The following RASIP1 variants were observed in gnomAD, a reference collection of about 807,000 sequenced individuals.
RASIP1 encodes ras-interacting protein 1.
RASIP1 carries 20 observed loss-of-function variants against 85.3 expected under a neutral mutation model. That is an observed-to-expected ratio of 0.23 (90% CI 0.17 to 0.34). The LOEUF is 0.34. Ranked by LOEUF, RASIP1 falls within the 10% of genes least tolerant of loss-of-function variation. The pLI, the probability that RASIP1 is intolerant of heterozygous loss-of-function variation, is 1.00. For synonymous variants in RASIP1, 617 were observed against 647.1 expected (o/e 0.95, Z 0.71); for missense variants, 1,170 against 1,390.9 (o/e 0.84, Z 2.53).
chr19:48,737,390 A>T, intron 3 of RASIP1: 1 of 892,506 alleles, frequency 1.1e-6, no homozygotes, highest in Non-Finnish European at 1.3e-6. Context: ...CGTGCTTTCA[A>T]TGCGCCAGGC....
Position 48,729,325 on chromosome 19 carries a change from T to C in RASIP1, c.1445A>G (p.His482Arg). The C allele has an allele frequency of 6.4e-7, 1 of 1,559,692 alleles. No individual in the cohort carries two copies. Among genetic ancestry groups the C allele is most frequent in the South Asian group, 1.2e-5 (1 of 84,710 alleles). Residue 482 changes from histidine (H) to arginine (R), a missense_variant, in exon 5 of 12, where the codon CAC becomes CGC. Around this residue, in one of 4 missense-constraint regions of RASIP1, gnomAD observed 426 missense variants for 576.2 expected, o/e 0.74. Coordinates refer to ENST00000222145, the MANE Select transcript of RASIP1 (RefSeq NM_017805.3). ...HPGDLLGLGE[H>R]FLFMYKDPRT... The stretch of plus-strand genomic sequence containing the variant: ...GGGGTCCTTGTACATGAACAGGAAG[T>C]GCTCGCCCAGCCCCAGGAGGTCGCC...
At position 48,724,525 on chromosome 19, in the gene RASIP1, G is replaced by C. The variant is rs2033307713; in HGVS notation, c.2372-16C>G. 6.2e-7 allele frequency: 1 copy of C among 1,609,150 alleles called. No individual in the cohort carries two copies. Among genetic ancestry groups the C allele is most frequent in the Admixed American group, 1.7e-5 (1 of 59,814 alleles). ...CGGCCTTGACCTGTGGGTGTTAAAG[G>C]TATGAGAGGCAGTTGGTTGGCTGGA... is the stretch of plus-strand genomic sequence containing the variant. On this transcript the variant is annotated splice_polypyrimidine_tract_variant and intron_variant, in intron 9 of 11. Coordinates refer to ENST00000222145, the MANE Select transcript of RASIP1 (RefSeq NM_017805.3). This position sits in a 1 kb window ranked among gnomAD's most constrained non-coding sequence, Gnocchi z 4.6.
Position 48,724,282 on chromosome 19 carries a change from G to T in RASIP1, c.2544+55C>A, listed in dbSNP as rs1002081677. 5 of 1,558,608 alleles carry T rather than the reference G, an allele frequency of 3.2e-6. No individual in the cohort carries two copies. In the East Asian group the frequency reaches 1.1e-4, roughly 35 times the overall value. On this transcript the variant is annotated intron_variant, in intron 10 of 11. Transcript: ENST00000222145. The surrounding 1 kb of genome is among the most constrained non-coding windows in gnomAD (Gnocchi z 4.6). ...GGTGAGCTGAATATAGAAGGTGGCTGAGGGGGGTTGAGGAGTCAGAGGTCA... is the reference window on the plus strand; with the variant it reads ...GGTGAGCTGAATATAGAAGGTGGCTTAGGGGGGTTGAGGAGTCAGAGGTCA...
At chr19:48,737,424 A>C (rs1599749101) in intron 3 of RASIP1, 5 of 983,152 alleles carry the variant, frequency 5.1e-6, no homozygotes, top group Non-Finnish European at 6.0e-6. Context: ...GGCGCGGTCC[A>C]CCACCAGCTG....
At chr19:48,723,910 C>T (rs1051396319) in intron 10 of RASIP1, among the ~76,000 whole-genome samples, 5 of 151,356 alleles carry the variant, frequency 3.3e-5, no homozygotes, top group Non-Finnish European at 5.9e-5. Context: ...CAGGTTCCAG[C>T]GATTCTCCTC....
chr19:48,725,035 G>T, intron 8 of RASIP1, 75 bp from the exon 9 acceptor site: 2 of 1,528,154 alleles, frequency 1.3e-6, no homozygotes, highest in South Asian at 2.5e-5. Context: ...AGAGCATGAA[G>T]ATAGTGGGGA....
chr19:48,726,866 C>G lies in RASIP1; in HGVS notation c.2046G>C (p.Leu682Phe). ...GGGCCATGGCCTCATCACATAATTC[C>G]AAGTCATTGCAGAGCTGTGGGTCTG... is the stretch of plus-strand genomic sequence containing the variant. ...DQEDPQLCNDLELCDEAMALL... is the reference protein window; with the variant it reads ...DQEDPQLCNDFELCDEAMALL... Residue 682 changes from leucine to phenylalanine, a missense_variant, in exon 8 of 12, where the codon TTG (leucine) becomes TTC (phenylalanine). Leu to Phe is a conservative substitution (Grantham distance 22). Coordinates refer to ENST00000222145, the MANE Select transcript of RASIP1 (RefSeq NM_017805.3). 6.2e-7 allele frequency: 1 copy of G among 1,613,920 alleles called. No homozygotes were observed. The highest frequency in any genetic ancestry group is 8.5e-7 in the Non-Finnish European group (1 of 1,179,912).
intron 3 of RASIP1, chr19:48,737,544 C>T: frequency 1.0e-6 from 1 of 985,444 alleles, no homozygotes; most frequent in African/African-American, 1.7e-5. Flanking sequence ...CCAACCCAGC[C>T]TAAGGCCGTC....
intron 4 of RASIP1, among the ~76,000 whole-genome samples, chr19:48,732,973 C>T (rs567376816): frequency 6.6e-6 from 1 of 152,274 alleles, no homozygotes; most frequent in Admixed American, 6.5e-5. Context: ...CTTGGCTGTA[C>T]CATTGTTAAC....
rs754192259 is a variant in RASIP1, at chr19:48,735,392, G to C, written c.983C>G (p.Ser328Trp). The change falls in exon 4 of 12, where the codon TCG becomes TGG. Residue 328 changes from serine (S) to tryptophan (W), a missense_variant. By Grantham distance (177) the Ser-to-Trp change is radical. Coordinates refer to ENST00000222145, the MANE Select transcript of RASIP1 (RefSeq NM_017805.3). ...SENLSLRRSV[S>W]ELSLQGRRRR... ...CCGCCGCCCCTGAAGGCTAAGCTCCGACACGCTGCGCCGCAAAGACAAGTT... is the reference window on the plus strand; with the variant it reads ...CCGCCGCCCCTGAAGGCTAAGCTCCCACACGCTGCGCCGCAAAGACAAGTT... 6.2e-7 allele frequency: 1 copy of C among 1,613,028 alleles called. No homozygotes were observed. Among genetic ancestry groups the C allele is most frequent in the Non-Finnish European group, 8.5e-7 (1 of 1,179,808 alleles).
At position 48,720,861 on chromosome 19, in the gene RASIP1, A is replaced by T; in HGVS notation, c.2829T>A (p.Asp943Glu). ...TGGCTGGCAGCTCCTGCTGCTCAAGATCCCAGAGGAGGCGGCGGAGCCTAC... is the reference window on the plus strand; with the variant it reads ...TGGCTGGCAGCTCCTGCTGCTCAAGTTCCCAGAGGAGGCGGCGGAGCCTAC... ...ELRRLRRLLWDLEQQELPANY... is the reference protein window; with the variant it reads ...ELRRLRRLLWELEQQELPANY... The change falls in exon 12 of 12, where the codon GAT becomes GAA. Residue 943 changes from aspartate to glutamate, a missense_variant. By Grantham distance (45) the Asp-to-Glu change is conservative. Transcript: ENST00000222145. The T allele has an allele frequency of 1.9e-6, 3 of 1,614,010 alleles. No individual in the cohort carries two copies. The highest frequency in any genetic ancestry group is 1.7e-6 in the Non-Finnish European group (2 of 1,180,008).
In RASIP1 at chr19:48,729,291, C is replaced by T. The variant is rs752135366; in HGVS notation, c.1479G>A (p.Gly493=). ...ACGGCGGCCTCGCAGGCCCCGAGCC[C>T]CCAGTGCGGGGGTCCTTGTACATGA... ...FLFMYKDPRT[G]GSGPARPPWL... is the part of the protein sequence containing the mutation. The change falls in exon 5 of 12, where the codon GGG becomes GGA. Residue 493 remains glycine (G), a synonymous_variant. Transcript: ENST00000222145. 3 of 1,545,522 alleles carry T rather than the reference C, an allele frequency of 1.9e-6. No individual in the cohort carries two copies. The highest frequency in any genetic ancestry group is 2.6e-6 in the Non-Finnish European group (3 of 1,146,032).
chr19:48,724,633 C>T lies in RASIP1; in HGVS notation c.2371+84G>A. ...TTCTCCAGGGTACCCAAAGGTGAGG[C>T]TTGAGCCCGTGGTGTGTCTAATATG... On this transcript the variant is annotated intron_variant, in intron 9 of 11. Coordinates refer to ENST00000222145, the MANE Select transcript of RASIP1 (RefSeq NM_017805.3). The surrounding 1 kb of genome is among the most constrained non-coding windows in gnomAD (Gnocchi z 4.6). 1 of 1,583,976 alleles carries T rather than the reference C, an allele frequency of 6.3e-7. No individual in the cohort carries two copies. Among genetic ancestry groups the T allele is most frequent in the Non-Finnish European group, 8.6e-7 (1 of 1,162,118 alleles).
Position 48,720,631 on chromosome 19 carries a change from A to T in RASIP1, c.*167T>A. 2 of 723,484 alleles carry T rather than the reference A, an allele frequency of 2.8e-6. No homozygotes were observed. 44.8% of individuals were successfully genotyped at this position (723,484 alleles called of 1,614,324 possible). A position where few individuals can be genotyped will look rare whatever the true frequency, so the allele number is the denominator to read the frequency against. The stretch of plus-strand genomic sequence containing the variant: ...TATTGCTCCCTGGCATTCACATCCT[A>T]AGCCCATGCTCCCACCGTCCCATCC... On this transcript the variant is annotated 3_prime_UTR_variant, in exon 12 of 12. Transcript: ENST00000222145.
intron 8 of RASIP1, chr19:48,725,457 A>G: frequency 6.3e-6 from 1 of 157,758 alleles, no homozygotes; most frequent in Non-Finnish European, 1.4e-5. Flanking sequence ...CTGCTAGAGG[A>G]ACTTAGAGAC....
In RASIP1 at chr19:48,724,702, C is replaced by A. The variant is rs1323631355; in HGVS notation, c.2371+15G>T. The A allele has an allele frequency of 1.2e-6, 2 of 1,613,718 alleles. No homozygotes were observed. The highest frequency in any genetic ancestry group is 4.5e-5 in the East Asian group (2 of 44,874). ...CCTGTCTTTGCCTCCCTGACAGCTC[C>A]CAGCCAACCTTCACCTCGTTCCATC... On this transcript the variant is annotated intron_variant, in intron 9 of 11. Transcript: ENST00000222145. This position sits in a 1 kb window ranked among gnomAD's most constrained non-coding sequence, Gnocchi z 4.6.
Sources: gnomAD v4.1 joint callset for allele counts (sites outside exome capture counted in the v4.1 genomes callset) on GRCh38, gnomAD v4.1.1 for gene constraint, gnomAD v4.1.1 regional missense constraint, Gnocchi (gnomAD v3.1) non-coding constraint, MANE v1.5 for transcripts, NCBI Gene and HGNC (gene_info 2026-07-23, HGNC 2026-07-21) for gene names.